RBFOX2: variants seen among roughly 807,000 people sequenced by gnomAD.
RBFOX2 encodes the protein RNA binding fox-1 homolog 2, also known as RNA binding protein fox-1 homolog 2.
A neutral mutation model predicts 49.1 loss-of-function variants in RBFOX2; 10 were observed. The ratio of observed to expected loss-of-function variants is 0.20; its 90% CI spans 0.13 to 0.35. The LOEUF (loss-of-function observed/expected upper bound fraction) is 0.35, where lower values mean the gene tolerates loss of function less well. Ranked by LOEUF, RBFOX2 falls within the 10% of genes least tolerant of loss-of-function variation. The pLI is 1.00. For synonymous variants in RBFOX2, 183 were observed against 187.4 expected (o/e 0.98, Z 0.19); for missense variants, 323 against 486.9 (o/e 0.66, Z 3.17).
intron 1 of RBFOX2, among the ~76,000 whole-genome samples, chr22:35,982,625 T>C (rs1287476372): frequency 6.6e-6 from 1 of 152,124 alleles, no homozygotes; most frequent in African/African-American, 2.4e-5. Context: ...GGTTGGACGG[T>C]AATTTGAGGT....
At chr22:35,906,205 G>T (rs1394067030) in intron 1 of RBFOX2, among the ~76,000 whole-genome samples, 1 of 152,124 alleles carries the variant, frequency 6.6e-6, no homozygotes, top group African/African-American at 2.4e-5. Context: ...GGGAGGAAAA[G>T]ATCAAAGGAG....
chr22:35,926,559 A>G (rs367616425), intron 1 of RBFOX2, among the ~76,000 whole-genome samples: 10 of 152,210 alleles, frequency 6.6e-5, no homozygotes, highest in African/African-American at 2.4e-4. Flanking sequence ...TGGACTAACA[A>G]TCACAGCTCA....
chr22:36,000,599 A>C (rs1488549131), intron 1 of RBFOX2: 1 of 152,198 alleles, frequency 6.6e-6, no homozygotes, highest in Non-Finnish European at 1.5e-5. Context: ...GAAGAAAGAA[A>C]AAAAAAGAGA....
intron 1 of RBFOX2, among the ~76,000 whole-genome samples, chr22:35,909,954 C>T (rs2049597909): frequency 6.6e-6 from 1 of 152,144 alleles, no homozygotes; most frequent in Non-Finnish European, 1.5e-5. Context: ...AATTTTTAAC[C>T]TGTACCCAAA....
At chr22:35,903,984 T>C (rs745576604) in intron 1 of RBFOX2, among the ~76,000 whole-genome samples, 56 of 152,170 alleles carry the variant, frequency 3.7e-4, no homozygotes, top group South Asian at 4.1e-4. Flanking sequence ...TAAGGTCCTA[T>C]ATGACCTGCT....
intron 1 of RBFOX2, among the ~76,000 whole-genome samples, chr22:35,874,109 A>G (rs954760110): frequency 2.0e-5 from 3 of 152,224 alleles, no homozygotes; most frequent in African/African-American, 7.2e-5. Context: ...CCATATGATG[A>G]ATTAGATGCT....
intron 4 of RBFOX2, among the ~76,000 whole-genome samples, chr22:35,770,013 G>GAGTA (rs1482948937): frequency 7.2e-5 from 11 of 152,242 alleles, no homozygotes; most frequent in Non-Finnish European, 1.2e-4. Context: ...CTCTCCTAAA[G>GAGTA]AATGTGTAAG....
At chr22:35,990,180 TAAAAACAAAAAC>T (rs1187600619) in intron 1 of RBFOX2, among the ~76,000 whole-genome samples, 1 of 152,012 alleles carries the variant, frequency 6.6e-6, no homozygotes, top group African/African-American at 2.4e-5. Context: ...AGACTCTGTC[TAAAAACAAAAAC>T]AAAAACAAAA....
chr22:35,846,590 T>C (rs943298313), intron 1 of RBFOX2, among the ~76,000 whole-genome samples: 2 of 143,766 alleles, frequency 1.4e-5, no homozygotes, highest in Admixed American at 1.4e-4. Context: ...CTATTAAAAA[T>C]ACAAAAAAAA....
intron 1 of RBFOX2, among the ~76,000 whole-genome samples, chr22:35,920,758 A>G (rs1476432202): frequency 6.6e-6 from 1 of 152,222 alleles, no homozygotes; most frequent in Non-Finnish European, 1.5e-5. Flanking sequence ...CAGCAGACAT[A>G]GCTAATGGCA....
At position 35,930,266 on chromosome 22, in the gene RBFOX2, C is replaced by T. The variant is rs536952372; in HGVS notation, c.-34+8581G>A. 8.4e-4 allele frequency among the ~76,000 whole-genome samples: 127 copies of T among 151,890 alleles called. 1 individual carries two copies. Among genetic ancestry groups the T allele is most frequent in the South Asian group, 5.8e-3 (28 of 4,802 alleles). On this transcript the variant is annotated intron_variant, in intron 1 of 13. Transcript: ENST00000359369. The stretch of plus-strand genomic sequence containing the variant: ...GAGCTCCAGACCTCAGGTGATTCCC[C>T]CGCCGCAGTCTCCCAAAGTGCTGGG...
At chr22:35,986,133 TAATA>T (rs1433575744) in intron 1 of RBFOX2, among the ~76,000 whole-genome samples, 2 of 152,122 alleles carry the variant, frequency 1.3e-5, no homozygotes, top group East Asian at 3.9e-4. Context: ...CACACGAGCT[TAATA>T]AATACCACTA....
intron 1 of RBFOX2, among the ~76,000 whole-genome samples, chr22:35,910,790 T>C (rs1196180180): frequency 6.6e-6 from 1 of 152,210 alleles, no homozygotes; most frequent in Non-Finnish European, 1.5e-5. Flanking sequence ...GGTAATCTAT[T>C]TTAATCCATA....
At chr22:35,821,945 T>C (rs763137598) in intron 1 of RBFOX2, 1 of 518,960 alleles carries the variant, frequency 1.9e-6, no homozygotes, top group Non-Finnish European at 3.8e-6. Flanking sequence ...CACACCTTCT[T>C]TGGATGGAAA....
exon 1 of RBFOX2, among the ~76,000 whole-genome samples, chr22:36,028,587 C>A (rs1184535656): frequency 6.7e-6 from 1 of 148,292 alleles, no homozygotes; most frequent in Non-Finnish European, 1.5e-5. Context: ...CTCCGCGCCT[C>A]GCGGCCGCCG....
chr22:35,744,277 T>C (rs762782840), intron 11 of RBFOX2, 28 bp from the exon 14 acceptor site: 3 of 1,592,908 alleles, frequency 1.9e-6, no homozygotes, highest in Admixed American at 1.7e-5. Flanking sequence ...ATAAAAATAA[T>C]TAAAAGGTTG....
upstream of RBFOX2, among the ~76,000 whole-genome samples, chr22:35,845,247 G>T (rs1211643543): frequency 6.6e-6 from 1 of 152,032 alleles, no homozygotes; most frequent in African/African-American, 2.4e-5. Flanking sequence ...CTTTCCAGAA[G>T]CACCTCTAAT....
At chr22:35,774,595 T>C (rs1268841629) in intron 4 of RBFOX2, among the ~76,000 whole-genome samples, 4 of 152,150 alleles carry the variant, frequency 2.6e-5, no homozygotes, top group South Asian at 2.1e-4. Context: ...ATATGATATA[T>C]ATTCATTCTA....
chr22:35,868,283 A>T (rs1315071019), intron 1 of RBFOX2, among the ~76,000 whole-genome samples: 2 of 152,192 alleles, frequency 1.3e-5, no homozygotes, highest in African/African-American at 4.8e-5. Flanking sequence ...AAACTATTGG[A>T]ACTTAAGAAA....
Sources: allele counts gnomAD v4.1 joint callset (sites outside exome capture counted in the v4.1 genomes callset), GRCh38; gene constraint gnomAD v4.1.1; transcripts MANE v1.5; gene names NCBI Gene and HGNC (gene_info 2026-07-23, HGNC 2026-07-21).